Variants in MAML2 observed in about 807,000 individuals in gnomAD.
MAML2 encodes the protein mastermind like transcriptional coactivator 2, also known as mastermind-like protein 2.
MAML2 carries 22 observed loss-of-function variants against 96.1 expected under a neutral mutation model. That is an observed-to-expected ratio of 0.23 (90% CI 0.16 to 0.33). The LOEUF (loss-of-function observed/expected upper bound fraction) is 0.33. Among genes scored for constraint, MAML2 ranks in the 10% least tolerant of loss-of-function variants. The pLI, the probability that MAML2 is intolerant of heterozygous loss-of-function variation, is 1.00. For synonymous variants in MAML2, 561 were observed against 521.3 expected, an observed-to-expected ratio of 1.08 and a Z score of -1.04; for missense variants, 1,367 against 1,392.4, an observed-to-expected ratio of 0.98 and a Z score of 0.29.
chr11:95,985,477 AG>A lies in MAML2; in HGVS notation c.2455+53del, dbSNP rs967423055. On this transcript the variant is annotated intron_variant, in intron 4 of 4. Coordinates refer to ENST00000524717, the MANE Select transcript of MAML2 (RefSeq NM_032427.4). Reference sequence around the variant, plus strand: ...AGTTACAGGGATTATTGAAAATTGAAGTTTTTTTTTCCTTTCACAGCTATAA... The same window carrying A: ...AGTTACAGGGATTATTGAAAATTGAATTTTTTTTTCCTTTCACAGCTATAA... 4.0e-6 allele frequency: 4 copies of A among 996,336 alleles called. No homozygotes were observed. The African/African-American group carries it at 6.6e-5, about 16-fold the overall frequency. The allele number at this position is 996,336 out of a possible 1,614,324, so 61.7% of individuals were successfully genotyped here.
intron 1 of MAML2, among the ~76,000 whole-genome samples, chr11:96,203,354 A>G (rs959689135): frequency 1.3e-5 from 2 of 152,256 alleles, no homozygotes; most frequent in South Asian, 4.1e-4. Context: ...TGAATACACC[A>G]ATTGACTAGG....
intron 1 of MAML2, among the ~76,000 whole-genome samples, chr11:96,118,752 G>A (rs193004101): frequency 1.3e-3 from 195 of 152,204 alleles, no homozygotes; most frequent in African/African-American, 4.4e-3. Context: ...AAGTCAAGAA[G>A]TGATGCAAAA....
At chr11:96,093,573 T>G in intron 1 of MAML2, 56 bp from the exon 2 acceptor site, 1 of 1,228,218 alleles carries the variant, frequency 8.1e-7, no homozygotes, top group Non-Finnish European at 1.1e-6. Context: ...CCAATGATGC[T>G]TCTCATAAAA....
In MAML2 at chr11:96,163,544, T is replaced by A. The variant is rs554576584; in HGVS notation, c.514-70027A>T. Among the ~76,000 whole-genome samples the A allele has an allele frequency of 2.0e-4, 31 of 152,330 alleles. No individual in the cohort carries two copies. The South Asian group carries it at 6.2e-3, about 31-fold the overall frequency. ...AGAAAGACAAGGTACTTAGACAAGG[T>A]CACGGCTAGGATTAGAACCCAAGTC... On this transcript the variant is annotated intron_variant, in intron 1 of 4. Transcript: ENST00000524717.
At chr11:96,016,679 C>T (rs558227924) in intron 2 of MAML2, among the ~76,000 whole-genome samples, 1 of 152,236 alleles carries the variant, frequency 6.6e-6, no homozygotes, top group South Asian at 2.1e-4. Context: ...TTCATATAAA[C>T]ACAAATATGC....
intron 1 of MAML2, among the ~76,000 whole-genome samples, chr11:96,193,001 G>A (rs1336844178): frequency 1.3e-5 from 2 of 152,170 alleles, no homozygotes; most frequent in Admixed American, 6.5e-5. Flanking sequence ...GTGGGTGTAC[G>A]ATTAATACCC....
At chr11:96,261,882 T>C (rs988464354) in intron 1 of MAML2, among the ~76,000 whole-genome samples, 1 of 152,262 alleles carries the variant, frequency 6.6e-6, no homozygotes, top group Non-Finnish European at 1.5e-5. Context: ...ATGTTAGATT[T>C]CTAATATATC....
intron 1 of MAML2, among the ~76,000 whole-genome samples, chr11:96,263,998 A>G (rs1001873153): frequency 1.3e-5 from 2 of 152,244 alleles, no homozygotes; most frequent in African/African-American, 4.8e-5. Flanking sequence ...TCACTCTGAA[A>G]TAAATGTTGG....
At chr11:96,256,233 A>C (rs916932656) in intron 1 of MAML2, among the ~76,000 whole-genome samples, 3 of 152,122 alleles carry the variant, frequency 2.0e-5, no homozygotes, top group Admixed American at 2.0e-4. Context: ...GGATGCCACA[A>C]AAAAAAATTC....
chr11:96,003,434 T>C (rs988724281), intron 2 of MAML2, among the ~76,000 whole-genome samples: 25 of 152,032 alleles, frequency 1.6e-4, no homozygotes, highest in Admixed American at 6.5e-5. Context: ...TTGTCTTTTT[T>C]CCCCACATGT....
chr11:96,081,372 C>A (rs530058786), intron 2 of MAML2, among the ~76,000 whole-genome samples: 9 of 152,016 alleles, frequency 5.9e-5, no homozygotes, highest in African/African-American at 1.9e-4. Context: ...TCAAAGTCAA[C>A]AGTGTCATGG....
intron 1 of MAML2, among the ~76,000 whole-genome samples, chr11:96,218,643 G>GT (rs915560810): frequency 4.0e-5 from 6 of 151,788 alleles, no homozygotes; most frequent in Non-Finnish European, 7.4e-5. Flanking sequence ...TTTTCTTTTT[G>GT]TTTTTTAGTT....
At chr11:96,098,247 T>G (rs1404193618) in intron 1 of MAML2, among the ~76,000 whole-genome samples, 1 of 152,152 alleles carries the variant, frequency 6.6e-6, no homozygotes, top group Non-Finnish European at 1.5e-5. Context: ...ACAAAGGTCA[T>G]TCGGTCAGTC....
chr11:96,015,490 G>T (rs1858331463), intron 2 of MAML2, among the ~76,000 whole-genome samples: 1 of 142,600 alleles, frequency 7.0e-6, no homozygotes, highest in South Asian at 2.2e-4. Context: ...ATAAAAGAAT[G>T]AAGCTTCTGA....
At chr11:96,166,177 T>TCTCTCTCACACACACACACACA (rs530578845) in intron 1 of MAML2, among the ~76,000 whole-genome samples, 1 of 110,330 alleles carries the variant, frequency 9.1e-6, no homozygotes, top group Admixed American at 9.5e-5. Flanking sequence ...TCTCTCTCTC[T>TCTCTCTCACACACACACACACA]CACACACACA....
intron 2 of MAML2, among the ~76,000 whole-genome samples, chr11:96,086,865 C>A (rs766902526): frequency 6.6e-6 from 1 of 152,102 alleles, no homozygotes; most frequent in Non-Finnish European, 1.5e-5. Context: ...ACTAAAGATC[C>A]CTCCCTACAT....
At chr11:96,233,165 T>C (rs1264371105) in intron 1 of MAML2, among the ~76,000 whole-genome samples, 3 of 152,224 alleles carry the variant, frequency 2.0e-5, no homozygotes, top group African/African-American at 7.2e-5. Context: ...GTTTGAGTGC[T>C]AGAGTACAAT....
chr11:96,321,868 A>C (rs1171997134), intron 1 of MAML2, among the ~76,000 whole-genome samples: 1 of 152,240 alleles, frequency 6.6e-6, no homozygotes. Context: ...TGGACCATCA[A>C]ACAACTAAAT....
intron 1 of MAML2, among the ~76,000 whole-genome samples, chr11:96,220,007 A>T (rs1862110628): frequency 6.6e-6 from 1 of 152,204 alleles, no homozygotes. Context: ...GTATAGTGTT[A>T]ACTCTTGGGA....
Sources: allele counts gnomAD v4.1 joint callset (sites outside exome capture counted in the v4.1 genomes callset), GRCh38; gene constraint gnomAD v4.1.1; transcripts MANE v1.5; gene names NCBI Gene and HGNC (gene_info 2026-07-23, HGNC 2026-07-21).